The following NRCAM variants were observed in gnomAD, a reference collection of about 807,000 sequenced individuals.
NRCAM encodes NgCAM-related cell adhesion molecule.
In NRCAM, 83 loss-of-function variants were observed where a neutral mutation model predicts 156.5. That is an observed-to-expected ratio of 0.53 (90% confidence interval 0.44 to 0.64). The LOEUF is 0.64. Ranked by LOEUF, NRCAM falls within the 30% of genes least tolerant of loss-of-function variation. The probability of loss-of-function intolerance (pLI) is 0.00; values close to 1 mark genes in which losing one functional copy is unlikely to be tolerated. For synonymous variants in NRCAM, 538 were observed against 563.9 expected, an observed-to-expected ratio of 0.95 and a Z score of 0.65; for missense variants, 1,417 against 1,597.3, an observed-to-expected ratio of 0.89 and a Z score of 1.92.
At chr7:108,407,152 T>C (rs138909961) in intron 1 of NRCAM, among the ~76,000 whole-genome samples, 7 of 152,210 alleles carry the variant, frequency 4.6e-5, no homozygotes, top group African/African-American at 7.2e-5. Flanking sequence ...TTTTTCAGAA[T>C]AGAAGTGGTA....
chr7:108,198,336 A>T (rs972954785), intron 13 of NRCAM, among the ~76,000 whole-genome samples: 1 of 152,076 alleles, frequency 6.6e-6, no homozygotes, highest in Admixed American at 6.5e-5. Flanking sequence ...AACACTAAGT[A>T]TTATTTATTT....
intron 2 of NRCAM, among the ~76,000 whole-genome samples, chr7:108,356,858 G>A (rs768823148): frequency 6.6e-6 from 1 of 150,672 alleles, no homozygotes; most frequent in Admixed American, 6.6e-5. Context: ...AACCCTTAAC[G>A]TGATGGTTGA....
chr7:108,218,178 G>A (rs555013914), intron 11 of NRCAM, among the ~76,000 whole-genome samples: 4 of 151,744 alleles, frequency 2.6e-5, no homozygotes, highest in African/African-American at 9.7e-5. Context: ...TTGGCTGGGG[G>A]GGGGGGGGAG....
chr7:108,256,756 C>T (rs1457824874), intron 3 of NRCAM, among the ~76,000 whole-genome samples: 1 of 152,146 alleles, frequency 6.6e-6, no homozygotes, highest in Non-Finnish European at 1.5e-5. Context: ...TGGTTCATAC[C>T]TGTAATCCCA....
intron 31 of NRCAM, among the ~76,000 whole-genome samples, chr7:108,160,141 A>G (rs2048014293): frequency 6.6e-6 from 1 of 152,208 alleles, no homozygotes; most frequent in African/African-American, 2.4e-5. Flanking sequence ...TAATGTTTTC[A>G]GAGAACTGAT....
intron 22 of NRCAM, 109 bp downstream of exon 22, chr7:108,184,132 T>A: frequency 1.6e-6 from 1 of 638,746 alleles, no homozygotes; most frequent in Non-Finnish European, 2.6e-6. Flanking sequence ...ATATATATTT[T>A]TTTTCCCCAG....
intron 2 of NRCAM, among the ~76,000 whole-genome samples, chr7:108,360,461 T>G (rs143823433): frequency 1.4e-4 from 21 of 151,986 alleles, no homozygotes; most frequent in Non-Finnish European, 2.8e-4. Context: ...AAAACAGAAA[T>G]AGCAGACAGA....
At chr7:108,396,769 G>A (rs2099778079) in intron 2 of NRCAM, among the ~76,000 whole-genome samples, 1 of 152,136 alleles carries the variant, frequency 6.6e-6, no homozygotes, top group Admixed American at 6.5e-5. Context: ...GTAATATCCT[G>A]TGCCTAAAAG....
intron 32 of NRCAM, chr7:108,150,820 TTTAG>T (rs2041065502): frequency 4.5e-6 from 2 of 446,928 alleles, no homozygotes; most frequent in Admixed American, 3.1e-5. Flanking sequence ...TGGTAAAAAT[TTTAG>T]TTAATGAGTA....
chr7:108,432,786 T>C (rs1403092555), intron 1 of NRCAM, among the ~76,000 whole-genome samples: 2 of 151,880 alleles, frequency 1.3e-5, no homozygotes, highest in East Asian at 3.9e-4. Flanking sequence ...CCTATAGTCC[T>C]AGCTACTAGG....
intron 2 of NRCAM, among the ~76,000 whole-genome samples, chr7:108,324,872 C>A (rs1456769786): frequency 1.5e-5 from 2 of 134,008 alleles, no homozygotes; most frequent in African/African-American, 2.8e-5. Flanking sequence ...ATATTTGGCA[C>A]TGTACTTTTT....
Position 108,148,038 on chromosome 7 carries a change from T to C in NRCAM, c.*1872A>G, listed in dbSNP as rs1028317228. 3.9e-5 allele frequency: 6 copies of C among 152,664 alleles called. No individual in the cohort carries two copies. The highest frequency in any genetic ancestry group is 1.2e-4 in the African/African-American group (5 of 41,450). 9.5% of individuals were successfully genotyped at this position (152,664 alleles called of 1,614,324 possible). A position where few individuals can be genotyped will look rare whatever the true frequency, so the allele number is the denominator to read the frequency against. On this transcript the variant is annotated 3_prime_UTR_variant, in exon 33 of 33. Coordinates refer to ENST00000379028, the MANE Select transcript of NRCAM (RefSeq NM_001037132.4). Reference sequence around the variant, plus strand: ...AATGAATATAGAGACATGAAAGTATTTAGGGCCATCTTTACCTGGGATTAC... The same window carrying C: ...AATGAATATAGAGACATGAAAGTATCTAGGGCCATCTTTACCTGGGATTAC...
intron 23 of NRCAM, 103 bp from the exon 24 acceptor site, chr7:108,182,040 CCTATT>C: frequency 1.3e-6 from 1 of 753,652 alleles, no homozygotes; most frequent in Non-Finnish European, 2.3e-6. Flanking sequence ...ATACTGCAGA[CCTATT>C]CTATGGATTA....
chr7:108,284,203 A>G lies in NRCAM; in HGVS notation c.-107+28462T>C, dbSNP rs566149410. Among the ~76,000 whole-genome samples the G allele has an allele frequency of 5.6e-4, 86 of 152,286 alleles. 1 individual carries two copies. Among genetic ancestry groups the G allele is most frequent in the African/African-American group, 2.1e-3 (86 of 41,570 alleles). On this transcript the variant is annotated intron_variant, in intron 3 of 32. Transcript: ENST00000379028. ...CTACTTTGTCTTTGTTGTTCCTACTATAAACATCTGATGTTTGAACTACTC... is the reference window on the plus strand; with the variant it reads ...CTACTTTGTCTTTGTTGTTCCTACTGTAAACATCTGATGTTTGAACTACTC...
At chr7:108,318,685 G>A (rs1223918162) in intron 2 of NRCAM, among the ~76,000 whole-genome samples, 1 of 152,088 alleles carries the variant, frequency 6.6e-6, no homozygotes, top group Non-Finnish European at 1.5e-5. Context: ...TGATAAGAAG[G>A]AGAAAACAAA....
At chr7:108,251,451 T>C (rs928300744) in intron 3 of NRCAM, among the ~76,000 whole-genome samples, 2 of 152,218 alleles carry the variant, frequency 1.3e-5, no homozygotes, top group African/African-American at 4.8e-5. Context: ...GTGTCTCAGG[T>C]CTGCCTTCCT....
chr7:108,212,331 A>T, intron 11 of NRCAM, among the ~76,000 whole-genome samples: 1 of 152,208 alleles, frequency 6.6e-6, no homozygotes, highest in East Asian at 1.9e-4. Flanking sequence ...ATGACTAAAC[A>T]AGGATTTTTA....
intron 3 of NRCAM, among the ~76,000 whole-genome samples, chr7:108,242,769 T>A (rs911550814): frequency 1.3e-5 from 2 of 152,218 alleles, no homozygotes; most frequent in African/African-American, 4.8e-5. Context: ...GGAGAACTAA[T>A]ATACTTTCCA....
At chr7:108,220,109 C>CAA (rs34737202) in intron 11 of NRCAM, among the ~76,000 whole-genome samples, 1 of 137,122 alleles carries the variant, frequency 7.3e-6, no homozygotes, top group Non-Finnish European at 1.6e-5. Context: ...TAATAGCTGC[C>CAA]AAAAAAAAAA....
Sources: allele counts gnomAD v4.1 joint callset (sites outside exome capture counted in the v4.1 genomes callset), GRCh38; gene constraint gnomAD v4.1.1; transcripts MANE v1.5; gene names NCBI Gene and HGNC (gene_info 2026-07-23, HGNC 2026-07-21).